B4GALNT3: variants seen among roughly 807,000 people sequenced by gnomAD.
B4GALNT3 encodes the protein beta-1,4-N-acetylgalactosaminyltransferase 3.
B4GALNT3 carries 86 observed loss-of-function variants against 120.2 expected under a neutral mutation model. The observed-to-expected ratio is 0.72, with a 90% CI of 0.60 to 0.86. The LOEUF (loss-of-function observed/expected upper bound fraction) is 0.86. Ranked by LOEUF, B4GALNT3 falls within the 40% of genes least tolerant of loss-of-function variation. B4GALNT3 has a pLI of 0.00. For missense variants in B4GALNT3, 1,167 were observed against 1,298.9 expected, an observed-to-expected ratio of 0.90 and a Z score of 1.56; for synonymous variants, 518 against 510.4, an observed-to-expected ratio of 1.01 and a Z score of -0.20.
intron 1 of B4GALNT3, among the ~76,000 whole-genome samples, chr12:474,778 C>T (rs1946167841): frequency 1.3e-5 from 2 of 151,804 alleles, no homozygotes; most frequent in Admixed American, 6.6e-5. Context: ...TGGGCAACAT[C>T]GTGAAACCCT....
At chr12:490,497 G>C (rs535509001) in intron 1 of B4GALNT3, among the ~76,000 whole-genome samples, 1 of 152,286 alleles carries the variant, frequency 6.6e-6, no homozygotes, top group East Asian at 1.9e-4. Flanking sequence ...AGCACTTTGG[G>C]AGGCAGAAGT....
intron 1 of B4GALNT3, among the ~76,000 whole-genome samples, chr12:510,664 G>C (rs1409612138): frequency 6.6e-6 from 1 of 152,154 alleles, no homozygotes; most frequent in Non-Finnish European, 1.5e-5. Context: ...AAACCCTGCA[G>C]AGCTGCTTTG....
chr12:463,166 A>G (rs964826255), intron 1 of B4GALNT3, among the ~76,000 whole-genome samples: 1 of 152,156 alleles, frequency 6.6e-6, no homozygotes, highest in Non-Finnish European at 1.5e-5. Context: ...GCCAGCCCCC[A>G]TTACCAGGAA....
intron 17 of B4GALNT3, 149 bp from the exon 18 acceptor site, chr12:558,359 A>G (rs1351424515): frequency 1.6e-5 from 13 of 801,618 alleles, no homozygotes; most frequent in Non-Finnish European, 2.0e-5. Flanking sequence ...TCCAATGTTC[A>G]GCACTGTGGA....
chr12:510,061 T>G (rs1946531053), intron 1 of B4GALNT3, among the ~76,000 whole-genome samples: 2 of 152,142 alleles, frequency 1.3e-5, no homozygotes, highest in Admixed American at 6.5e-5. Context: ...TCACAGGTCT[T>G]GGAGCCTGGA....
chr12:466,324 A>C (rs116053746), intron 1 of B4GALNT3, among the ~76,000 whole-genome samples: 109 of 152,180 alleles, frequency 7.2e-4, no homozygotes, highest in African/African-American at 2.4e-3. Context: ...GACATAGCAG[A>C]GTTTGCTTTG....
At position 548,286 on chromosome 12, in the gene B4GALNT3, C is replaced by T; in HGVS notation, c.842C>T (p.Ser281Phe). The stretch of plus-strand genomic sequence containing the variant: ...ACCATCATTGACTCCCTCTCCCTGT[C>T]CCTCTTCACAAGTGAGTAGGCTCTG... ...KFTIIDSLSL[S>F]LFTNETFLQM... The change falls in exon 9 of 20, where the codon TCC (serine) becomes TTC (phenylalanine). Residue 281 changes from serine to phenylalanine, a missense_variant. Coordinates refer to ENST00000266383, the MANE Select transcript of B4GALNT3 (RefSeq NM_173593.4). This position sits in a 1 kb window ranked among gnomAD's most constrained non-coding sequence, Gnocchi z 4.9. 6.2e-7 allele frequency: 1 copy of T among 1,614,078 alleles called. No homozygotes were observed. The highest frequency in any genetic ancestry group is 8.5e-7 in the Non-Finnish European group (1 of 1,179,950).
intron 1 of B4GALNT3, among the ~76,000 whole-genome samples, chr12:462,437 T>C (rs557331388): frequency 6.6e-6 from 1 of 150,738 alleles, no homozygotes; most frequent in South Asian, 2.1e-4. Context: ...CCTCGACCTC[T>C]GCCTCTGTCT....
At chr12:501,175 C>T (rs929002447) in intron 1 of B4GALNT3, among the ~76,000 whole-genome samples, 2 of 152,108 alleles carry the variant, frequency 1.3e-5, no homozygotes, top group Admixed American at 6.5e-5. Flanking sequence ...GCGCTGGCCC[C>T]ACTTTTTACT....
chr12:513,694 T>C (rs1946622261), intron 1 of B4GALNT3, among the ~76,000 whole-genome samples: 1 of 152,248 alleles, frequency 6.6e-6, no homozygotes, highest in African/African-American at 2.4e-5. Context: ...CTTAGCCTTA[T>C]TTTAGCCAGC....
At chr12:502,521 G>A (rs113132758) in intron 1 of B4GALNT3, among the ~76,000 whole-genome samples, 232 of 150,038 alleles carry the variant, frequency 1.5e-3, no homozygotes, top group African/African-American at 4.3e-3. Context: ...GTTAAGAGAC[G>A]GATACAAAGG....
At chr12:557,452 G>C (rs774784248) in intron 15 of B4GALNT3, among the ~76,000 whole-genome samples, 156 bp from the exon 16 acceptor site, 25 of 152,174 alleles carry the variant, frequency 1.6e-4, no homozygotes, top group Non-Finnish European at 3.4e-4. Flanking sequence ...TCATGTCTCT[G>C]TGCTGCACTG....
At chr12:510,759 G>A (rs1946539866) in intron 1 of B4GALNT3, among the ~76,000 whole-genome samples, 1 of 151,968 alleles carries the variant, frequency 6.6e-6, no homozygotes, top group Non-Finnish European at 1.5e-5. Flanking sequence ...AGAAGGGAGA[G>A]CCCCAGATGT....
intron 1 of B4GALNT3, among the ~76,000 whole-genome samples, chr12:503,352 C>CA (rs111610511): frequency 1.3e-5 from 2 of 152,318 alleles, no homozygotes; most frequent in African/African-American, 4.8e-5. Context: ...GCCACTCACA[C>CA]AGCCTCTTTT....
intron 1 of B4GALNT3, among the ~76,000 whole-genome samples, chr12:487,770 A>AT (rs1234565913): frequency 6.6e-6 from 1 of 151,808 alleles, no homozygotes; most frequent in Non-Finnish European, 1.5e-5. Flanking sequence ...CCTGGGAAAC[A>AT]TAGTAAAACC....
chr12:510,475 G>A (rs1024784960), intron 1 of B4GALNT3, among the ~76,000 whole-genome samples: 6 of 151,334 alleles, frequency 4.0e-5, no homozygotes, highest in Non-Finnish European at 4.4e-5. Flanking sequence ...GGCTGGTCAG[G>A]GGAGTTGGCT....
intron 1 of B4GALNT3, among the ~76,000 whole-genome samples, chr12:515,397 C>T (rs1946642819): frequency 6.6e-6 from 1 of 152,004 alleles, no homozygotes; most frequent in Non-Finnish European, 1.5e-5. Context: ...CGGGGTTTCA[C>T]CATGTTAGCC....
chr12:475,824 G>A (rs1946179357), intron 1 of B4GALNT3, among the ~76,000 whole-genome samples: 1 of 152,138 alleles, frequency 6.6e-6, no homozygotes, highest in Non-Finnish European at 1.5e-5. Flanking sequence ...GCCAAAGATG[G>A]CTCCAGAGTA....
chr12:538,636 T>A (rs998436899), intron 3 of B4GALNT3, among the ~76,000 whole-genome samples: 1 of 152,052 alleles, frequency 6.6e-6, no homozygotes, highest in Non-Finnish European at 1.5e-5. Context: ...AAATGACTGA[T>A]TTCCATTTTT....
Sources: allele counts gnomAD v4.1 joint callset (sites outside exome capture counted in the v4.1 genomes callset), GRCh38; gene constraint gnomAD v4.1.1; non-coding constraint Gnocchi (gnomAD v3.1); transcripts MANE v1.5; gene names NCBI Gene and HGNC (gene_info 2026-07-23, HGNC 2026-07-21).